TAFA2: variants seen among roughly 807,000 people sequenced by gnomAD.
The protein encoded by TAFA2 is TAFA chemokine like family member 2, also known as chemokine-like protein TAFA-2.
In TAFA2, 7 loss-of-function variants were observed where a neutral mutation model predicts 18.8. The observed-to-expected ratio is 0.37, with a 90% confidence interval of 0.21 to 0.70. The LOEUF (loss-of-function observed/expected upper bound fraction) is 0.70, where lower values mean the gene tolerates loss of function less well. Ranked by LOEUF, TAFA2 falls within the 30% of genes least tolerant of loss-of-function variation. The pLI is 0.53. For missense variants in TAFA2, 122 were observed against 158.1 expected, an observed-to-expected ratio of 0.77 and a Z score of 1.23; for synonymous variants, 60 against 54.2, an observed-to-expected ratio of 1.11 and a Z score of -0.47.
intron 1 of TAFA2, among the ~76,000 whole-genome samples, chr12:62,246,073 G>A (rs1235496163): frequency 6.7e-6 from 1 of 150,220 alleles, no homozygotes; most frequent in Non-Finnish European, 1.5e-5. Flanking sequence ...TGCAAGCTCC[G>A]CCTCCCAGGT....
chr12:62,201,299 G>A (rs2062669634), intron 1 of TAFA2, among the ~76,000 whole-genome samples: 1 of 152,094 alleles, frequency 6.6e-6, no homozygotes, highest in African/African-American at 2.4e-5. Flanking sequence ...GGTAAGAGAG[G>A]GCATCCTTGT....
At chr12:61,817,642 G>C (rs1391501199) in intron 2 of TAFA2, among the ~76,000 whole-genome samples, 1 of 152,096 alleles carries the variant, frequency 6.6e-6, no homozygotes, top group African/African-American at 2.4e-5. Flanking sequence ...TACGCCCTGG[G>C]TCTTAAAGAC....
At chr12:62,044,621 C>T (rs1217169770) in intron 1 of TAFA2, among the ~76,000 whole-genome samples, 2 of 152,122 alleles carry the variant, frequency 1.3e-5, no homozygotes, top group East Asian at 3.9e-4. Flanking sequence ...TTGTCCAGCT[C>T]CACTGTTTGC....
chr12:61,865,231 T>G (rs930538990), intron 2 of TAFA2, among the ~76,000 whole-genome samples: 16 of 152,146 alleles, frequency 1.1e-4, no homozygotes, highest in Admixed American at 3.3e-4. Context: ...ACCAAAGGGG[T>G]CTCCAAAGTC....
chr12:61,809,665 A>G (rs931623695), intron 2 of TAFA2, among the ~76,000 whole-genome samples: 17 of 151,526 alleles, frequency 1.1e-4, no homozygotes, highest in African/African-American at 3.9e-4. Flanking sequence ...TAATGATACT[A>G]CTGGGTTTTC....
intron 1 of TAFA2, among the ~76,000 whole-genome samples, chr12:62,146,704 C>A (rs1182478454): frequency 6.6e-6 from 1 of 152,056 alleles, no homozygotes; most frequent in Non-Finnish European, 1.5e-5. Context: ...CATGCAACAT[C>A]CTGTTACAAA....
At chr12:61,845,220 T>C (rs1422970396) in intron 2 of TAFA2, among the ~76,000 whole-genome samples, 2 of 152,288 alleles carry the variant, frequency 1.3e-5, no homozygotes, top group African/African-American at 4.8e-5. Flanking sequence ...GCAGTTGTAG[T>C]ACTGGCAAAA....
At chr12:62,040,220 C>T (rs1881721736) in intron 1 of TAFA2, among the ~76,000 whole-genome samples, 1 of 152,010 alleles carries the variant, frequency 6.6e-6, no homozygotes, top group Admixed American at 6.6e-5. Flanking sequence ...AAGTCAACAA[C>T]TAGATAAGAT....
At chr12:61,833,371 T>G (rs1174787550) in intron 2 of TAFA2, among the ~76,000 whole-genome samples, 1 of 151,576 alleles carries the variant, frequency 6.6e-6, no homozygotes, top group Admixed American at 6.6e-5. Context: ...GTCAGTAGAG[T>G]CAACTAACAA....
At chr12:62,077,774 C>T (rs868830404) in intron 1 of TAFA2, among the ~76,000 whole-genome samples, 8 of 152,088 alleles carry the variant, frequency 5.3e-5, no homozygotes, top group African/African-American at 1.9e-4. Context: ...GTACCTCATC[C>T]ACAGCCATGA....
chr12:61,898,609 C>T (rs150476954), intron 1 of TAFA2, among the ~76,000 whole-genome samples: 2 of 152,314 alleles, frequency 1.3e-5, no homozygotes, highest in Non-Finnish European at 2.9e-5. Context: ...CTTTTAGCCA[C>T]AGCTGAGACT....
At chr12:62,151,017 CA>C (rs1299266926) in intron 1 of TAFA2, among the ~76,000 whole-genome samples, 2 of 151,888 alleles carry the variant, frequency 1.3e-5, no homozygotes, top group Non-Finnish European at 2.9e-5. Flanking sequence ...AAGACAGTCA[CA>C]GTAAATCCAC....
At chr12:61,742,455 C>A (rs903802691) in intron 4 of TAFA2, among the ~76,000 whole-genome samples, 1 of 152,064 alleles carries the variant, frequency 6.6e-6, no homozygotes, top group Non-Finnish European at 1.5e-5. Flanking sequence ...GCCCTGGATC[C>A]CTGGAACTCT....
chr12:61,846,549 T>G (rs948113122), intron 2 of TAFA2, among the ~76,000 whole-genome samples: 11 of 152,134 alleles, frequency 7.2e-5, no homozygotes, highest in African/African-American at 2.7e-4. Context: ...TCTGATAAAA[T>G]AAGACCACAA....
chr12:61,880,806 C>A (rs1018526661), intron 1 of TAFA2: 4 of 324,646 alleles, frequency 1.2e-5, no homozygotes, highest in East Asian at 7.5e-5. Context: ...CCTACTCCCC[C>A]CTGCAGCTGC....
intron 1 of TAFA2, among the ~76,000 whole-genome samples, chr12:62,124,385 C>A: frequency 6.6e-6 from 1 of 151,066 alleles, no homozygotes; most frequent in East Asian, 2.0e-4. Context: ...ATTAGCCAAC[C>A]CAAGAGTAGA....
At chr12:61,836,732 G>GATATATATATATATAT (rs3034054) in intron 2 of TAFA2, among the ~76,000 whole-genome samples, 7 of 112,774 alleles carry the variant, frequency 6.2e-5, no homozygotes, top group East Asian at 5.6e-4. Context: ...TTGCCAATTT[G>GATATATATATATATAT]ATATATATAT....
chr12:62,021,144 C>T (rs1327511066), intron 1 of TAFA2, among the ~76,000 whole-genome samples: 1 of 152,118 alleles, frequency 6.6e-6, no homozygotes, highest in Non-Finnish European at 1.5e-5. Flanking sequence ...TGGAGACGAA[C>T]AGAGAAACAG....
chr12:62,142,924 TA>T (rs1208590072), intron 1 of TAFA2, among the ~76,000 whole-genome samples: 1 of 152,220 alleles, frequency 6.6e-6, no homozygotes. Context: ...ATATAAGTAC[TA>T]CTATTGTTTT....
Sources: allele counts gnomAD v4.1 joint callset (sites outside exome capture counted in the v4.1 genomes callset), GRCh38; gene constraint gnomAD v4.1.1; transcripts MANE v1.5; gene names NCBI Gene and HGNC (gene_info 2026-07-23, HGNC 2026-07-21).